AOPEP: variants seen among roughly 807,000 people sequenced by gnomAD.
AOPEP encodes aminopeptidase O (putative), also known as aminopeptidase O.
AOPEP carries 77 observed loss-of-function variants against 98.1 expected under a neutral mutation model. The ratio of observed to expected loss-of-function variants is 0.78; its 90% CI spans 0.65 to 0.95. The LOEUF is 0.95. Ranked by LOEUF, AOPEP falls within the 40% of genes least tolerant of loss-of-function variation. The pLI, the probability that AOPEP is intolerant of heterozygous loss-of-function variation, is 0.00. For synonymous variants in AOPEP, 346 were observed against 365.3 expected, an observed-to-expected ratio of 0.95 and a Z score of 0.60; for missense variants, 1,024 against 1,024.7, an observed-to-expected ratio of 1.00 and a Z score of 0.01.
the AOPEP span, among the ~76,000 whole-genome samples, chr9:95,139,646 T>C: frequency 6.6e-6 from 1 of 151,748 alleles, no homozygotes; most frequent in Admixed American, 6.6e-5. Flanking sequence ...TGGAGTGATG[T>C]GGCTATGGTG....
intron 13 of AOPEP, among the ~76,000 whole-genome samples, chr9:95,034,311 T>C (rs1016303366): frequency 6.6e-6 from 1 of 152,230 alleles, no homozygotes; most frequent in Non-Finnish European, 1.5e-5. Flanking sequence ...CAAGGGAAAA[T>C]AGACCCAGAC....
At chr9:94,860,072 T>C (rs2044737415) in intron 5 of AOPEP, among the ~76,000 whole-genome samples, 1 of 152,102 alleles carries the variant, frequency 6.6e-6, no homozygotes, top group African/African-American at 2.4e-5. Context: ...AATGCAGGGT[T>C]AGAGGAAACA....
intron 7 of AOPEP, among the ~76,000 whole-genome samples, chr9:94,937,884 CT>C (rs2137325833): frequency 6.6e-6 from 1 of 152,020 alleles, no homozygotes; most frequent in South Asian, 2.1e-4. Context: ...TTTCTTTTTT[CT>C]TTTTTGAGAT....
rs58191789 is a variant in AOPEP at position 94,858,996 on chromosome 9, C to A, written c.1364+57994C>A. On this transcript the variant is annotated intron_variant, in intron 5 of 16. Coordinates refer to ENST00000375315, the MANE Select transcript of AOPEP (RefSeq NM_001193329.3). ...TGAGCCAAGATTGCAGCACTGTACT[C>A]CAGCCTGGGCGACAGAGCGAGACTC... Among the ~76,000 whole-genome samples, 922 of 136,466 alleles carry A rather than the reference C, an allele frequency of 6.8e-3. 4 individuals carry two copies. The highest frequency in any genetic ancestry group is 0.024 in the African/African-American group (890 of 36,686). The allele number at this position is 136,466 out of a possible 152,430, so 89.5% of individuals were successfully genotyped here. A position where few individuals can be genotyped will look rare whatever the true frequency, so the allele number is the denominator to read the frequency against.
At chr9:95,086,243 G>A (rs1419528203) in intron 16 of AOPEP, 10 of 1,241,982 alleles carry the variant, frequency 8.1e-6, no homozygotes, top group Non-Finnish European at 1.0e-5. Context: ...CTCCTGCGGC[G>A]TGGGGGTTTG....
chr9:94,854,368 TGAACAGTG>T (rs2043928762), intron 5 of AOPEP, among the ~76,000 whole-genome samples: 1 of 152,196 alleles, frequency 6.6e-6, no homozygotes, highest in African/African-American at 2.4e-5. Flanking sequence ...AACATGACAC[TGAACAGTG>T]TCTCTAAAGG....
chr9:94,733,792 G>A (rs1831116906), intron 1 of AOPEP, among the ~76,000 whole-genome samples: 1 of 152,082 alleles, frequency 6.6e-6, no homozygotes, highest in Admixed American at 6.5e-5. Flanking sequence ...TTAATCCCAG[G>A]TGCTTTTCAA....
intron 7 of AOPEP, among the ~76,000 whole-genome samples, chr9:94,940,570 G>C (rs529099411): frequency 6.6e-6 from 1 of 152,152 alleles, no homozygotes; most frequent in East Asian, 1.9e-4. Flanking sequence ...CTCCAGCCTG[G>C]ACAGCAAAGT....
At chr9:94,791,867 C>T (rs1484988039) in intron 3 of AOPEP, among the ~76,000 whole-genome samples, 3 of 152,130 alleles carry the variant, frequency 2.0e-5, no homozygotes, top group East Asian at 1.9e-4. Flanking sequence ...TTAAGACACA[C>T]GATTAATGTA....
At chr9:94,939,856 G>A (rs540682401) in intron 7 of AOPEP, among the ~76,000 whole-genome samples, 2 of 152,210 alleles carry the variant, frequency 1.3e-5, no homozygotes, top group African/African-American at 2.4e-5. Context: ...TGTATCTGGG[G>A]GTTCTACATC....
chr9:95,066,379 T>TA (rs1301654078), intron 14 of AOPEP, among the ~76,000 whole-genome samples: 1 of 152,198 alleles, frequency 6.6e-6, no homozygotes, highest in Non-Finnish European at 1.5e-5. Flanking sequence ...TTTAGATAAA[T>TA]AATTTCCTGT....
intron 14 of AOPEP, among the ~76,000 whole-genome samples, chr9:95,073,487 G>A (rs7034586): frequency 0.21 from 31,388 of 151,306 alleles, 3,400 homozygotes; most frequent in Middle Eastern, 0.31. Flanking sequence ...GGTGGCTCCC[G>A]CCTGTAATCC....
intron 5 of AOPEP, among the ~76,000 whole-genome samples, chr9:94,863,119 G>A (rs562246627): frequency 1.3e-5 from 2 of 152,156 alleles, no homozygotes; most frequent in South Asian, 4.2e-4. Flanking sequence ...ATGAAACAAG[G>A]GCACAGGTAG....
the AOPEP span, among the ~76,000 whole-genome samples, chr9:95,097,021 C>T: frequency 3.9e-5 from 6 of 152,176 alleles, no homozygotes; most frequent in African/African-American, 1.2e-4. Flanking sequence ...AGGGGTGCAC[C>T]GGCACCTAGT....
Position 94,760,412 on chromosome 9 carries a change from G to T in AOPEP, c.629G>T (p.Ser210Ile), listed in dbSNP as rs1481964378. 1 of 1,614,070 alleles carries T rather than the reference G, an allele frequency of 6.2e-7. No homozygotes were observed. The highest frequency in any genetic ancestry group is 8.5e-7 in the Non-Finnish European group (1 of 1,179,982). ...REQLDYYARC[S>I]QAPGCGELLF... ...CAGTTAGACTATTACGCTCGCTGCAGCCAGGCTCCTGGCTGTGGGGAACTC... is the reference window on the plus strand; with the variant it reads ...CAGTTAGACTATTACGCTCGCTGCATCCAGGCTCCTGGCTGTGGGGAACTC... Residue 210 changes from serine to isoleucine, a missense_variant, in exon 2 of 17, where the codon AGC becomes ATC. By Grantham distance (142) the Ser-to-Ile change is moderately radical. Coordinates refer to ENST00000375315, the MANE Select transcript of AOPEP (RefSeq NM_001193329.3).
At chr9:94,778,510 G>A (rs906159527) in intron 3 of AOPEP, among the ~76,000 whole-genome samples, 5 of 151,916 alleles carry the variant, frequency 3.3e-5, no homozygotes, top group African/African-American at 1.2e-4. Context: ...ATTATGCTGA[G>A]TAAAATAGAG....
chr9:94,987,740 C>T (rs1004310289), intron 11 of AOPEP, among the ~76,000 whole-genome samples: 1 of 152,106 alleles, frequency 6.6e-6, no homozygotes, highest in African/African-American at 2.4e-5. Flanking sequence ...AATCTTTTCC[C>T]TTTCTGTTTT....
At chr9:94,780,904 G>A (rs1339321591) in intron 3 of AOPEP, among the ~76,000 whole-genome samples, 2 of 152,166 alleles carry the variant, frequency 1.3e-5, no homozygotes, top group Non-Finnish European at 2.9e-5. Context: ...AAGGCACCTG[G>A]GAGCAGATAA....
At chr9:94,781,236 G>A (rs150308116) in intron 3 of AOPEP, among the ~76,000 whole-genome samples, 41 of 151,990 alleles carry the variant, frequency 2.7e-4, no homozygotes, top group African/African-American at 9.2e-4. Flanking sequence ...GCTTATTGTT[G>A]GCCTATATTC....
Sources: gnomAD v4.1 joint callset for allele counts (sites outside exome capture counted in the v4.1 genomes callset) on GRCh38, gnomAD v4.1.1 for gene constraint, MANE v1.5 for transcripts, NCBI Gene and HGNC (gene_info 2026-07-23, HGNC 2026-07-21) for gene names.